The following MTMR3 variants were observed in gnomAD, a reference collection of about 807,000 sequenced individuals.
MTMR3 encodes the protein phosphatidylinositol-3,5-bisphosphate 3-phosphatase MTMR3.
A neutral mutation model predicts 132.4 loss-of-function variants in MTMR3; 32 were observed. The ratio of observed to expected loss-of-function variants is 0.24; its 90% CI spans 0.18 to 0.32. The LOEUF (loss-of-function observed/expected upper bound fraction) is 0.32, where lower values mean the gene tolerates loss of function less well. MTMR3 is among the 10% of genes least tolerant of loss of function. The probability of loss-of-function intolerance (pLI) is 1.00; values close to 1 mark genes in which losing one functional copy is unlikely to be tolerated. For missense variants in MTMR3, 1,216 were observed against 1,489.6 expected (o/e 0.82, Z 3.02); for synonymous variants, 556 against 550.3 (o/e 1.01, Z -0.14).
rs2066281820 is a variant in MTMR3, at chr22:29,960,142, C to T, written c.-85+3054C>T. 2.0e-5 allele frequency among the ~76,000 whole-genome samples: 3 copies of T among 152,098 alleles called. No individual in the cohort carries two copies. The South Asian group carries it at 6.2e-4, about 32-fold the overall frequency. On this transcript the variant is annotated intron_variant, in intron 2 of 19. Transcript: ENST00000401950. ...TGTATTTAATTTTGATGCCAGGAAACATACTGTTTAATTAATATGTGCCCC... is the reference window on the plus strand; with the variant it reads ...TGTATTTAATTTTGATGCCAGGAAATATACTGTTTAATTAATATGTGCCCC...
At chr22:29,991,702 G>A (rs983122191) in intron 7 of MTMR3, 32 bp downstream of exon 7, 38 of 1,530,980 alleles carry the variant, frequency 2.5e-5, no homozygotes, top group Non-Finnish European at 2.7e-5. Flanking sequence ...AAATGGCCAG[G>A]GGCTTTATCA....
rs114474220 is a variant in MTMR3 at position 29,969,060 on chromosome 22, A to T, written c.-84-1916A>T. 3.8e-3 allele frequency among the ~76,000 whole-genome samples: 578 copies of T among 152,300 alleles called. 1 individual carries two copies. The highest frequency in any genetic ancestry group is 0.013 in the African/African-American group (536 of 41,568). ...ACTGATGTCTCCCACATTTATGTTT[A>T]TATCTCTAGGCTCCATCTTCTTGAT... On this transcript the variant is annotated intron_variant, in intron 2 of 19. Coordinates refer to ENST00000401950, the MANE Select transcript of MTMR3 (RefSeq NM_021090.4).
intron 1 of MTMR3, among the ~76,000 whole-genome samples, chr22:29,933,741 T>G (rs866907644): frequency 6.6e-6 from 1 of 151,510 alleles, no homozygotes; most frequent in East Asian, 1.9e-4. Context: ...GTGTTTTTTT[T>G]TTTTTTTTTT....
rs1325595804 is a variant in MTMR3 at position 30,029,065 on chromosome 22, G to A, written c.*3264G>A. On this transcript the variant is annotated 3_prime_UTR_variant, in exon 20 of 20. Coordinates refer to ENST00000401950, the MANE Select transcript of MTMR3 (RefSeq NM_021090.4). The stretch of plus-strand genomic sequence containing the variant: ...TGGGGGTAGGGAGATGAAGAGCCAA[G>A]ATGCTGGTGAAGCAGGTGCAGTGAG... 3 of 152,422 alleles carry A rather than the reference G, an allele frequency of 2.0e-5. No homozygotes were observed. The highest frequency in any genetic ancestry group is 4.4e-5 in the Non-Finnish European group (3 of 68,100). The allele number at this position is 152,422 out of a possible 1,614,324, so 9.4% of individuals were successfully genotyped here. A position where few individuals can be genotyped will look rare whatever the true frequency, so the allele number is the denominator to read the frequency against.
At chr22:29,933,598 T>C (rs527726694) in intron 1 of MTMR3, among the ~76,000 whole-genome samples, 1 of 152,188 alleles carries the variant, frequency 6.6e-6, no homozygotes, top group African/African-American at 2.4e-5. Context: ...TGGGTGGTTG[T>C]CACCAGGTAT....
rs539470135 is a variant in MTMR3 at position 29,968,247 on chromosome 22, A to G, written c.-84-2729A>G. 4.6e-5 allele frequency among the ~76,000 whole-genome samples: 7 copies of G among 152,322 alleles called. No individual in the cohort carries two copies. In the South Asian group the frequency reaches 1.5e-3, roughly 32 times the overall value. On this transcript the variant is annotated intron_variant, in intron 2 of 19. Coordinates refer to ENST00000401950, the MANE Select transcript of MTMR3 (RefSeq NM_021090.4). ...CCTTCACATTCCATCTACATCTGACATTAGTATCTTCCTCACTGGAGTTAT... is the reference window on the plus strand; with the variant it reads ...CCTTCACATTCCATCTACATCTGACGTTAGTATCTTCCTCACTGGAGTTAT...
chr22:29,971,765 G>C (rs1263524468), intron 3 of MTMR3, among the ~76,000 whole-genome samples: 4 of 152,026 alleles, frequency 2.6e-5, no homozygotes, highest in African/African-American at 9.7e-5. Flanking sequence ...AGCTCAAGCA[G>C]AGAAGATGGA....
At chr22:29,914,607 TA>T (rs764003630) in intron 1 of MTMR3, among the ~76,000 whole-genome samples, 99 of 152,144 alleles carry the variant, frequency 6.5e-4, no homozygotes, top group Non-Finnish European at 1.1e-3. Context: ...TGTAGTCAGT[TA>T]TTTTTTTTTT....
intron 1 of MTMR3, among the ~76,000 whole-genome samples, chr22:29,934,626 C>G (rs547033723): frequency 3.3e-5 from 5 of 152,108 alleles, no homozygotes; most frequent in Non-Finnish European, 5.9e-5. Context: ...TGAAAAGATT[C>G]TATTTTAGGG....
In MTMR3 at chr22:30,013,425, G is replaced by A. The variant is rs560731915; in HGVS notation, c.1387G>A (p.Gly463Arg). Residue 463 changes from glycine to arginine, a missense_variant, in exon 14 of 20, where the codon GGG (glycine) becomes AGG (arginine). Gly to Arg is a moderately radical substitution (Grantham distance 125). Coordinates refer to ENST00000401950, the MANE Select transcript of MTMR3 (RefSeq NM_021090.4). ...GHKFADRCGH[G>R]ENSDDLNERC... ...TAAATTTGCTGACCGGTGTGGTCAT[G>A]GGGAGAACTCGGATGATCTGAATGA... 1 of 1,614,128 alleles carries A rather than the reference G, an allele frequency of 6.2e-7. No individual in the cohort carries two copies. The highest frequency in any genetic ancestry group is 2.2e-5 in the East Asian group (1 of 44,882).
chr22:30,018,028 A>T lies in MTMR3; in HGVS notation c.1776A>T (p.Pro592=). ...CCCCTGTGGACGACAGCTGTGCACCATACCCAGCCCCAGGCACCAGCCCTG... is the reference window on the plus strand; with the variant it reads ...CCCCTGTGGACGACAGCTGTGCACCTTACCCAGCCCCAGGCACCAGCCCTG... ...PTTPVDDSCA[P]YPAPGTSPDD... Residue 592 remains proline (P), a synonymous_variant, in exon 16 of 20, where the codon CCA becomes CCT. Coordinates refer to ENST00000401950, the MANE Select transcript of MTMR3 (RefSeq NM_021090.4). 6.2e-7 allele frequency: 1 copy of T among 1,613,224 alleles called. No homozygotes were observed. The highest frequency in any genetic ancestry group is 8.5e-7 in the Non-Finnish European group (1 of 1,179,798).
rs943643118 is a variant in MTMR3 at position 29,988,485 on chromosome 22, A to G, written c.216A>G (p.Pro72=). The change falls in exon 6 of 20, where the codon CCA becomes CCG. Residue 72 remains proline (P), a synonymous_variant. Transcript: ENST00000401950. ...IKFKESLVNV[P]LQLIESVECR... ...TCATTTTTTTAAAATTGCAGGTTCC[A>G]TTACAGCTTATAGAAAGTGTTGAAT... 1.2e-6 allele frequency: 2 copies of G among 1,611,412 alleles called. No homozygotes were observed. The highest frequency in any genetic ancestry group is 2.7e-5 in the African/African-American group (2 of 74,858).
At chr22:30,021,804 AC>A (rs2067762407) in intron 17 of MTMR3, 1 of 518,006 alleles carries the variant, frequency 1.9e-6, no homozygotes, top group Non-Finnish European at 3.4e-6. Context: ...CTGTTTTTCT[AC>A]TCCAGAGTCA....
At chr22:29,913,891 A>G (rs929490654) in intron 1 of MTMR3, among the ~76,000 whole-genome samples, 1 of 152,102 alleles carries the variant, frequency 6.6e-6, no homozygotes, top group African/African-American at 2.4e-5. Flanking sequence ...AGCTGGGACT[A>G]CAGGCTCATG....
chr22:30,028,820 T>C lies in MTMR3; in HGVS notation c.*3019T>C, dbSNP rs2067960949. 6.6e-6 allele frequency: 1 copy of C among 152,340 alleles called. No individual in the cohort carries two copies. The highest frequency in any genetic ancestry group is 1.5e-5 in the Non-Finnish European group (1 of 68,042). 9.4% of individuals were successfully genotyped at this position (152,340 alleles called of 1,614,324 possible). ...CCAGCAGGCGTTTGAAAACAAGAAA[T>C]CATTCTTCTGTGGAAGGAGAATGTG... On this transcript the variant is annotated 3_prime_UTR_variant, in exon 20 of 20. Coordinates refer to ENST00000401950, the MANE Select transcript of MTMR3 (RefSeq NM_021090.4).
Position 29,988,531 on chromosome 22 carries a change from C to A in MTMR3, c.262C>A (p.His88Asn). 6.2e-7 allele frequency: 1 copy of A among 1,612,816 alleles called. No homozygotes were observed. The highest frequency in any genetic ancestry group is 8.5e-7 in the Non-Finnish European group (1 of 1,179,244). ...TGAATGCCGAGATATATTTCAGCTT[C>A]ATTTGACTTGCAAAGACTGCAAAGT... is the stretch of plus-strand genomic sequence containing the variant. The part of the protein sequence containing the change: ...SVECRDIFQL[H>N]LTCKDCKVIR... Residue 88 changes from histidine (H) to asparagine (N), a missense_variant, in exon 6 of 20, where the codon CAT (histidine) becomes AAT (asparagine). By Grantham distance (68) the His-to-Asn change is moderately conservative. Around this residue, in one of 7 missense-constraint regions of MTMR3, gnomAD observed 129 missense variants for 245.7 expected, o/e 0.53. Coordinates refer to ENST00000401950, the MANE Select transcript of MTMR3 (RefSeq NM_021090.4).
rs760706903 is a variant in MTMR3, at chr22:30,007,881, C to T, written c.878-20C>T. On this transcript the variant is annotated intron_variant, in intron 10 of 19. Coordinates refer to ENST00000401950, the MANE Select transcript of MTMR3 (RefSeq NM_021090.4). ...GAGAGACAGGCTCATTTAGTATGCC[C>T]TCTCCCTCTGTGTCCCTAGATTCTT... is the stretch of plus-strand genomic sequence containing the variant. 3.1e-6 allele frequency: 5 copies of T among 1,613,058 alleles called. No homozygotes were observed. The highest frequency in any genetic ancestry group is 4.2e-6 in the Non-Finnish European group (5 of 1,179,502).
intron 18 of MTMR3, 67 bp downstream of exon 18, chr22:30,022,206 T>G: frequency 7.8e-7 from 1 of 1,274,758 alleles, no homozygotes; most frequent in Non-Finnish European, 1.1e-6. Context: ...TCCACCCCCA[T>G]TCCCACCCCA....
intron 1 of MTMR3, among the ~76,000 whole-genome samples, chr22:29,916,307 G>A (rs1464301379): frequency 6.6e-6 from 1 of 152,140 alleles, no homozygotes; most frequent in Non-Finnish European, 1.5e-5. Flanking sequence ...GTTACCCAGT[G>A]GTTGTTCTTT....
Sources: gnomAD v4.1 joint callset for allele counts (sites outside exome capture counted in the v4.1 genomes callset) on GRCh38, gnomAD v4.1.1 for gene constraint, gnomAD v4.1.1 regional missense constraint, MANE v1.5 for transcripts, NCBI Gene and HGNC (gene_info 2026-07-23, HGNC 2026-07-21) for gene names.